Variants in EBF1 observed in about 807,000 individuals in gnomAD.
EBF1 encodes the protein transcription factor COE1.
In EBF1, 10 loss-of-function variants were observed where a neutral mutation model predicts 68.4. The ratio of observed to expected loss-of-function variants is 0.15; its 90% CI spans 0.09 to 0.25. The LOEUF (loss-of-function observed/expected upper bound fraction) is 0.25, where lower values mean the gene tolerates loss of function less well. EBF1 is among the 10% of genes least tolerant of loss of function. EBF1 has a pLI of 1.00. For synonymous variants in EBF1, 298 were observed against 299.8 expected (o/e 0.99, Z 0.06); for missense variants, 509 against 794.4 (o/e 0.64, Z 4.32).
chr5:158,888,553 T>C (rs748140387), intron 6 of EBF1, among the ~76,000 whole-genome samples: 2 of 152,168 alleles, frequency 1.3e-5, no homozygotes, highest in African/African-American at 2.4e-5. Context: ...ACATTTTCTA[T>C]GACTATATCT....
chr5:158,898,013 A>G (rs1802503567), intron 6 of EBF1, among the ~76,000 whole-genome samples: 1 of 152,226 alleles, frequency 6.6e-6, no homozygotes, highest in South Asian at 2.1e-4. Flanking sequence ...TTGAAAGATC[A>G]TTGCTGATTC....
intron 9 of EBF1, among the ~76,000 whole-genome samples, chr5:158,779,037 G>C (rs535922607): frequency 6.6e-6 from 1 of 152,130 alleles, no homozygotes; most frequent in South Asian, 2.1e-4. Context: ...ATAATGTAGA[G>C]AGAATAAGAA....
chr5:158,828,532 T>C (rs866921654), intron 7 of EBF1, among the ~76,000 whole-genome samples: 1 of 152,122 alleles, frequency 6.6e-6, no homozygotes. Context: ...GCTAGACACA[T>C]GATACAATTT....
intron 8 of EBF1, among the ~76,000 whole-genome samples, chr5:158,811,182 C>A (rs893834233): frequency 6.6e-6 from 1 of 152,126 alleles, no homozygotes; most frequent in African/African-American, 2.4e-5. Flanking sequence ...GACGTGATAC[C>A]AGGACTTTTT....
chr5:159,095,403 T>C, intron 4 of EBF1, among the ~76,000 whole-genome samples: 1 of 152,114 alleles, frequency 6.6e-6, no homozygotes, highest in East Asian at 1.9e-4. Context: ...AAGGCCCGAG[T>C]TCCCTTGGAG....
Position 158,698,919 on chromosome 5 carries a change from C to G in EBF1, c.*192G>C. 1 of 471,286 alleles carries G rather than the reference C, an allele frequency of 2.1e-6. No individual in the cohort carries two copies. The highest frequency in any genetic ancestry group is 3.8e-6 in the Non-Finnish European group (1 of 265,982). The allele number at this position is 471,286 out of a possible 1,614,324, so 29.2% of individuals were successfully genotyped here. A position where few individuals can be genotyped will look rare whatever the true frequency, so the allele number is the denominator to read the frequency against. On this transcript the variant is annotated 3_prime_UTR_variant, in exon 16 of 16. Transcript: ENST00000313708. ...GGGAGGTACAACTTTAACCAACACC[C>G]TGCACTTGCAGATCCCTCTTCCAAT...
intron 8 of EBF1, among the ~76,000 whole-genome samples, chr5:158,819,245 C>T (rs887765958): frequency 6.6e-6 from 1 of 152,204 alleles, no homozygotes; most frequent in African/African-American, 2.4e-5. Flanking sequence ...TGCATAAATG[C>T]TGCCTGTGAG....
chr5:159,068,910 A>AT (rs539555449), intron 6 of EBF1, among the ~76,000 whole-genome samples: 37 of 151,860 alleles, frequency 2.4e-4, no homozygotes, highest in African/African-American at 7.5e-4. Context: ...AAATTTGTGT[A>AT]TTTTTTTTAT....
At chr5:159,030,559 A>C (rs560170162) in intron 6 of EBF1, among the ~76,000 whole-genome samples, 12 of 152,154 alleles carry the variant, frequency 7.9e-5, no homozygotes, top group Non-Finnish European at 1.3e-4. Flanking sequence ...CCTTACAGGG[A>C]CAACAGGATC....
At chr5:159,062,793 C>T (rs1312478583) in intron 6 of EBF1, among the ~76,000 whole-genome samples, 1 of 152,128 alleles carries the variant, frequency 6.6e-6, no homozygotes, top group Non-Finnish European at 1.5e-5. Flanking sequence ...GTGTAATACA[C>T]ATAGTTAATA....
At chr5:158,822,848 T>C (rs1166222939) in intron 8 of EBF1, among the ~76,000 whole-genome samples, 1 of 152,232 alleles carries the variant, frequency 6.6e-6, no homozygotes, top group Non-Finnish European at 1.5e-5. Context: ...TCCCTTGGAT[T>C]GGCCTTTCCT....
intron 6 of EBF1, among the ~76,000 whole-genome samples, chr5:159,008,686 C>T (rs960602869): frequency 1.2e-4 from 19 of 152,016 alleles, no homozygotes; most frequent in African/African-American, 2.9e-4. Flanking sequence ...CCACCACGCC[C>T]GGCTAATTTT....
At chr5:158,920,260 G>A (rs1808123154) in intron 6 of EBF1, among the ~76,000 whole-genome samples, 1 of 152,202 alleles carries the variant, frequency 6.6e-6, no homozygotes, top group South Asian at 2.1e-4. Context: ...CTGAAGCTGA[G>A]TTAGGGACAT....
At chr5:158,876,821 A>T (rs1417832735) in intron 6 of EBF1, among the ~76,000 whole-genome samples, 2 of 152,164 alleles carry the variant, frequency 1.3e-5, no homozygotes, top group African/African-American at 4.8e-5. Context: ...AAAGGAAATT[A>T]AAAAATAGCA....
chr5:158,777,178 T>C (rs1581788916), intron 10 of EBF1, among the ~76,000 whole-genome samples: 1 of 152,184 alleles, frequency 6.6e-6, no homozygotes, highest in South Asian at 2.1e-4. Context: ...GTGGCATCTT[T>C]AGGTATCCAA....
intron 12 of EBF1, among the ~76,000 whole-genome samples, 162 bp from the exon 13 acceptor site, chr5:158,713,309 T>C (rs2127492177): frequency 6.6e-6 from 1 of 152,298 alleles, no homozygotes; most frequent in South Asian, 2.1e-4. Flanking sequence ...ACCATCATCA[T>C]GCCTGTATCC....
chr5:158,918,604 G>T (rs1026988888), intron 6 of EBF1, among the ~76,000 whole-genome samples: 2 of 152,202 alleles, frequency 1.3e-5, no homozygotes, highest in Non-Finnish European at 2.9e-5. Flanking sequence ...GGAACACTGT[G>T]TGTATAGTTA....
At chr5:158,752,880 T>C (rs1769233539) in intron 10 of EBF1, among the ~76,000 whole-genome samples, 1 of 152,114 alleles carries the variant, frequency 6.6e-6, no homozygotes, top group African/African-American at 2.4e-5. Context: ...ATTGCTTCTT[T>C]TTCCCCATAA....
At chr5:158,917,463 G>A (rs1807456633) in intron 6 of EBF1, among the ~76,000 whole-genome samples, 1 of 152,158 alleles carries the variant, frequency 6.6e-6, no homozygotes, top group Admixed American at 6.5e-5. Flanking sequence ...CCACTGAATG[G>A]AGCAGGAGGT....
Sources: gnomAD v4.1 joint callset for allele counts (sites outside exome capture counted in the v4.1 genomes callset) on GRCh38, gnomAD v4.1.1 for gene constraint, MANE v1.5 for transcripts, NCBI Gene and HGNC (gene_info 2026-07-23, HGNC 2026-07-21) for gene names.